The following METTL15 variants were observed in gnomAD, a reference collection of about 807,000 sequenced individuals.
METTL15 encodes 12S rRNA N(4)-cytidine methyltransferase METTL15.
Under a neutral mutation model 38.3 loss-of-function variants are expected in METTL15, and 34 were observed. The observed-to-expected ratio is 0.89, with a 90% CI of 0.68 to 1.18. The LOEUF is 1.18. Ranked by LOEUF, METTL15 falls within the 50% of genes most tolerant of loss-of-function variation. The probability of loss-of-function intolerance (pLI) is 0.00; values close to 1 mark genes in which losing one functional copy is unlikely to be tolerated. For missense variants in METTL15, 438 were observed against 498.4 expected (o/e 0.88, Z 1.15); for synonymous variants, 162 against 170.9 (o/e 0.95, Z 0.41).
At chr11:28,495,648 A>T (rs960757701) in intron 6 of METTL15, among the ~76,000 whole-genome samples, 2 of 152,210 alleles carry the variant, frequency 1.3e-5, no homozygotes, top group Non-Finnish European at 2.9e-5. Context: ...AAACAAATCC[A>T]TGGGAAAAAT....
At chr11:28,333,590 C>T (rs1012195506), downstream of METTL15, 20 of 151,970 alleles carry the variant, frequency 1.3e-4, no homozygotes, top group African/African-American at 4.8e-4. Context: ...GTTTTTAGTT[C>T]ATTACTTAAA....
At chr11:28,130,024 A>T (rs1852689168) in intron 3 of METTL15, among the ~76,000 whole-genome samples, 2 of 152,130 alleles carry the variant, frequency 1.3e-5, no homozygotes, top group African/African-American at 4.8e-5. Flanking sequence ...TAAAGAGCAT[A>T]CCAGGCTTGG....
chr11:28,131,784 A>G (rs2133634503), intron 3 of METTL15, among the ~76,000 whole-genome samples: 1 of 152,298 alleles, frequency 6.6e-6, no homozygotes, highest in South Asian at 2.1e-4. Flanking sequence ...TCTTGGAAGA[A>G]TCGTCTCATA....
At chr11:28,502,708 C>G (rs1247393743) in intron 6 of METTL15, among the ~76,000 whole-genome samples, 3 of 152,046 alleles carry the variant, frequency 2.0e-5, no homozygotes, top group Admixed American at 6.5e-5. Flanking sequence ...TCCCTTTTCT[C>G]TGAAGGCTTG....
chr11:28,389,990 G>A lies in METTL15; in HGVS notation c.*358+27954G>A, dbSNP rs994698292. On this transcript the variant is annotated intron_variant and NMD_transcript_variant, in intron 5 of 7. Transcript: ENST00000532947. Reference sequence around the variant, plus strand: ...CATTTCTCTGATGGCCAGTGATGACGAGCATTTTTTCATGTGTCTTTTGGC... The same window carrying A: ...CATTTCTCTGATGGCCAGTGATGACAAGCATTTTTTCATGTGTCTTTTGGC... Among the ~76,000 whole-genome samples, 11 of 152,080 alleles carry A rather than the reference G, an allele frequency of 7.2e-5. No individual in the cohort carries two copies. In the East Asian group the frequency reaches 1.4e-3, roughly 19 times the overall value.
intron 5 of METTL15, among the ~76,000 whole-genome samples, chr11:28,392,490 A>G (rs1850520125): frequency 6.6e-6 from 1 of 152,116 alleles, no homozygotes; most frequent in South Asian, 2.1e-4. Flanking sequence ...TGTGGAAAAG[A>G]TAGTCTCTTC....
chr11:28,151,507 A>T (rs983373350), intron 3 of METTL15, among the ~76,000 whole-genome samples: 1 of 151,982 alleles, frequency 6.6e-6, no homozygotes, highest in Non-Finnish European at 1.5e-5. Context: ...AACATGCGTT[A>T]CTTCCTACTT....
At chr11:28,139,685 T>G (rs954783314) in intron 3 of METTL15, among the ~76,000 whole-genome samples, 5 of 151,228 alleles carry the variant, frequency 3.3e-5, no homozygotes, top group Non-Finnish European at 7.4e-5. Context: ...TGAGTCCTCC[T>G]CAAACAAGGG....
intron 3 of METTL15, among the ~76,000 whole-genome samples, chr11:28,179,402 G>A (rs1352400116): frequency 2.6e-5 from 4 of 151,652 alleles, no homozygotes; most frequent in Non-Finnish European, 5.9e-5. Context: ...ATACCCTCTT[G>A]TAATTACTAC....
chr11:28,430,104 G>C (rs1249824459), intron 6 of METTL15, among the ~76,000 whole-genome samples: 2 of 150,448 alleles, frequency 1.3e-5, no homozygotes, highest in African/African-American at 4.9e-5. Context: ...TGAGAAGTGA[G>C]GAGACCCTCT....
chr11:28,266,601 T>C (rs1345130754), intron 4 of METTL15, among the ~76,000 whole-genome samples: 2 of 152,308 alleles, frequency 1.3e-5, no homozygotes, highest in East Asian at 1.9e-4. Flanking sequence ...TCTTTTTTTC[T>C]CTCACTCTAC....
At chr11:28,378,620 G>A (rs547710641) in intron 5 of METTL15, among the ~76,000 whole-genome samples, 28 of 152,278 alleles carry the variant, frequency 1.8e-4, no homozygotes, top group East Asian at 3.9e-4. Flanking sequence ...CTTCTTCTGC[G>A]TCGCTCAGGC....
intron 5 of METTL15, among the ~76,000 whole-genome samples, chr11:28,294,378 G>A (rs915730651): frequency 4.6e-5 from 7 of 152,162 alleles, no homozygotes. Context: ...TTCCTGAAAG[G>A]AGATGTATCC....
At chr11:28,352,411 C>A (rs761274935) in intron 4 of METTL15, among the ~76,000 whole-genome samples, 1 of 152,054 alleles carries the variant, frequency 6.6e-6, no homozygotes, top group Non-Finnish European at 1.5e-5. Flanking sequence ...GTAGGGGAGA[C>A]AATCAGTAAA....
At chr11:28,385,507 G>T (rs541963179) in intron 5 of METTL15, among the ~76,000 whole-genome samples, 17 of 152,124 alleles carry the variant, frequency 1.1e-4, no homozygotes, top group Admixed American at 2.6e-4. Context: ...CTATGTGTTT[G>T]TTTTTGTACT....
chr11:28,302,147 A>G (rs1477908743), intron 6 of METTL15, among the ~76,000 whole-genome samples: 7 of 152,036 alleles, frequency 4.6e-5, no homozygotes, highest in Non-Finnish European at 1.0e-4. Flanking sequence ...TCTTGGCTTC[A>G]AGCGATCCCC....
chr11:28,257,621 T>C (rs1171226992), intron 4 of METTL15, among the ~76,000 whole-genome samples: 4 of 152,158 alleles, frequency 2.6e-5, no homozygotes, highest in Non-Finnish European at 4.4e-5. Context: ...TCAAATAGCC[T>C]GTCTTCAAGC....
At chr11:28,412,708 C>CAG (rs1850739219) in intron 5 of METTL15, among the ~76,000 whole-genome samples, 1 of 151,880 alleles carries the variant, frequency 6.6e-6, no homozygotes, top group Admixed American at 6.6e-5. Context: ...AGCACAGGGA[C>CAG]AGAGAATGAA....
At chr11:28,489,412 A>T (rs1851474834) in intron 6 of METTL15, among the ~76,000 whole-genome samples, 1 of 152,204 alleles carries the variant, frequency 6.6e-6, no homozygotes, top group African/African-American at 2.4e-5. Flanking sequence ...TCCCAAATCC[A>T]TTCAGCATTC....
Sources: gnomAD v4.1 joint callset for allele counts (sites outside exome capture counted in the v4.1 genomes callset) on GRCh38, gnomAD v4.1.1 for gene constraint, MANE v1.5 for transcripts, NCBI Gene and HGNC (gene_info 2026-07-23, HGNC 2026-07-21) for gene names.